Variants in PTPRD observed in about 807,000 individuals in gnomAD.
PTPRD encodes the protein protein tyrosine phosphatase receptor type D.
Under a neutral mutation model 214.5 loss-of-function variants are expected in PTPRD, and 34 were observed. The ratio of observed to expected loss-of-function variants is 0.16; its 90% CI spans 0.12 to 0.21. PTPRD has a LOEUF of 0.21. Among genes scored for constraint, PTPRD ranks in the 10% least tolerant of loss-of-function variants. The probability of loss-of-function intolerance (pLI) is 1.00; values close to 1 mark genes in which losing one functional copy is unlikely to be tolerated. For synonymous variants in PTPRD, 1,128 were observed against 845.7 expected, an observed-to-expected ratio of 1.33 and a Z score of -5.79; for missense variants, 2,545 against 2,398.7, an observed-to-expected ratio of 1.06 and a Z score of -1.27.
At chr9:10,515,980 G>T (rs149536952) in intron 2 of PTPRD, among the ~76,000 whole-genome samples, 13 of 151,706 alleles carry the variant, frequency 8.6e-5, no homozygotes, top group Non-Finnish European at 1.5e-4. Flanking sequence ...ATTCATCTGT[G>T]GACATTTAGG....
At chr9:8,347,077 AT>A (rs1219062334) in intron 39 of PTPRD, among the ~76,000 whole-genome samples, 2 of 151,174 alleles carry the variant, frequency 1.3e-5, no homozygotes, top group Non-Finnish European at 3.0e-5. Context: ...GTTGGATCAT[AT>A]CCCCTGCGGA....
At chr9:8,842,312 T>C (rs1362111565) in intron 11 of PTPRD, among the ~76,000 whole-genome samples, 3 of 141,256 alleles carry the variant, frequency 2.1e-5, no homozygotes, top group Non-Finnish European at 4.5e-5. Flanking sequence ...AAAAGGATTA[T>C]GAGCAAAAGG....
At chr9:10,119,196 AC>A (rs995517522) in intron 3 of PTPRD, among the ~76,000 whole-genome samples, 12 of 151,782 alleles carry the variant, frequency 7.9e-5, no homozygotes, top group African/African-American at 2.7e-4. Flanking sequence ...CACAGAGCTA[AC>A]CCCCCCTTTT....
chr9:9,271,879 C>T (rs899569407), intron 9 of PTPRD, among the ~76,000 whole-genome samples: 16 of 151,292 alleles, frequency 1.1e-4, no homozygotes, highest in African/African-American at 2.2e-4. Flanking sequence ...AATATACATA[C>T]GGAAAAATAG....
At chr9:8,815,920 G>A (rs1258228455) in intron 11 of PTPRD, among the ~76,000 whole-genome samples, 2 of 152,182 alleles carry the variant, frequency 1.3e-5, no homozygotes, top group Non-Finnish European at 2.9e-5. Flanking sequence ...TTTAACCACT[G>A]AAAAACACCC....
chr9:8,630,638 C>T (rs142283076), intron 14 of PTPRD, among the ~76,000 whole-genome samples: 4 of 151,774 alleles, frequency 2.6e-5, no homozygotes, highest in Non-Finnish European at 5.9e-5. Context: ...GTTAACTACT[C>T]AAATCATAAA....
chr9:8,377,659 T>C (rs980572766), intron 37 of PTPRD, among the ~76,000 whole-genome samples: 2 of 152,084 alleles, frequency 1.3e-5, no homozygotes, highest in African/African-American at 2.4e-5. Flanking sequence ...TACATTTCTC[T>C]AGGTAAAGAA....
intron 3 of PTPRD, among the ~76,000 whole-genome samples, chr9:10,288,133 C>A (rs1200112845): frequency 5.1e-5 from 6 of 117,168 alleles, no homozygotes; most frequent in Non-Finnish European, 8.1e-5. Context: ...CTTGGAAACA[C>A]AGAATCAACT....
chr9:8,871,711 G>C (rs1374757405), intron 11 of PTPRD, among the ~76,000 whole-genome samples: 1 of 152,074 alleles, frequency 6.6e-6, no homozygotes, highest in East Asian at 1.9e-4. Flanking sequence ...CTTTACCAAT[G>C]AGAAAGACTC....
At chr9:8,841,596 C>A (rs2097558807) in intron 11 of PTPRD, among the ~76,000 whole-genome samples, 1 of 152,016 alleles carries the variant, frequency 6.6e-6, no homozygotes. Flanking sequence ...GCTTAATACA[C>A]AAATGTATTG....
At chr9:8,629,454 C>G (rs545144675) in intron 14 of PTPRD, among the ~76,000 whole-genome samples, 1 of 151,922 alleles carries the variant, frequency 6.6e-6, no homozygotes, top group African/African-American at 2.4e-5. Context: ...AGCAAACTAA[C>G]GAAACAGACA....
At chr9:10,267,296 G>T (rs1039607976) in intron 3 of PTPRD, among the ~76,000 whole-genome samples, 7 of 151,758 alleles carry the variant, frequency 4.6e-5, no homozygotes, top group African/African-American at 1.7e-4. Context: ...ATAAAAAATA[G>T]ATATACAAAT....
At chr9:9,482,022 CA>C (rs1419274827) in intron 8 of PTPRD, among the ~76,000 whole-genome samples, 1 of 152,084 alleles carries the variant, frequency 6.6e-6, no homozygotes, top group African/African-American at 2.4e-5. Context: ...ATGTTCTTAA[CA>C]GTCTCTGGGG....
At chr9:9,134,087 A>T (rs1235390797) in intron 10 of PTPRD, among the ~76,000 whole-genome samples, 2 of 72,468 alleles carry the variant, frequency 2.8e-5, no homozygotes, top group South Asian at 4.9e-4. Flanking sequence ...TTTTTTTGAG[A>T]CGGAGTCTCG....
At chr9:8,448,656 C>T (rs2133380985) in intron 34 of PTPRD, among the ~76,000 whole-genome samples, 1 of 152,132 alleles carries the variant, frequency 6.6e-6, no homozygotes, top group East Asian at 1.9e-4. Context: ...CTTGTATAGC[C>T]ACACTGAAAA....
At chr9:9,786,583 A>G (rs1417094593) in intron 5 of PTPRD, among the ~76,000 whole-genome samples, 1 of 152,172 alleles carries the variant, frequency 6.6e-6, no homozygotes, top group Non-Finnish European at 1.5e-5. Flanking sequence ...GGTAGAAGCA[A>G]GACGAGGAGT....
intron 14 of PTPRD, among the ~76,000 whole-genome samples, chr9:8,630,047 A>G (rs1376188952): frequency 6.6e-6 from 1 of 151,770 alleles, no homozygotes; most frequent in Non-Finnish European, 1.5e-5. Flanking sequence ...TGAATCTCCA[A>G]TTAATTAGTT....
intron 8 of PTPRD, among the ~76,000 whole-genome samples, chr9:9,571,974 C>T (rs953066001): frequency 1.3e-4 from 20 of 150,714 alleles, no homozygotes; most frequent in South Asian, 1.0e-3. Context: ...TTTAGAGAAA[C>T]CATAATATCT....
chr9:10,170,348 CAAATA>C (rs1225049913), intron 3 of PTPRD, among the ~76,000 whole-genome samples: 1 of 152,090 alleles, frequency 6.6e-6, no homozygotes, highest in Non-Finnish European at 1.5e-5. Context: ...AGAGGACTCT[CAAATA>C]AAATTAAATT....
Sources: gnomAD v4.1 joint callset for allele counts (sites outside exome capture counted in the v4.1 genomes callset) on GRCh38, gnomAD v4.1.1 for gene constraint, MANE v1.5 for transcripts, NCBI Gene and HGNC (gene_info 2026-07-23, HGNC 2026-07-21) for gene names.